Variants in PLCG2 observed in about 807,000 individuals in gnomAD.
PLCG2 encodes phospholipase C gamma 2.
PLCG2 carries 69 observed loss-of-function variants against 175.6 expected under a neutral mutation model. The ratio of observed to expected loss-of-function variants is 0.39; its 90% CI spans 0.32 to 0.48. PLCG2 has a LOEUF of 0.48. Ranked by LOEUF, PLCG2 falls within the 20% of genes least tolerant of loss-of-function variation. PLCG2 has a pLI of 0.91. For synonymous variants in PLCG2, 827 were observed against 624.0 expected (o/e 1.33, Z -4.85); for missense variants, 1,798 against 1,650.9 (o/e 1.09, Z -1.54).
At chr16:81,837,240 T>C (rs1398974759) in intron 2 of PLCG2, among the ~76,000 whole-genome samples, 1 of 152,230 alleles carries the variant, frequency 6.6e-6, no homozygotes, top group Admixed American at 6.5e-5. Context: ...AAGGCTGTTG[T>C]TGAAAGGGAA....
At chr16:81,918,780 A>G (rs1909942422) in intron 19 of PLCG2, among the ~76,000 whole-genome samples, 1 of 152,214 alleles carries the variant, frequency 6.6e-6, no homozygotes, top group Admixed American at 6.5e-5. Flanking sequence ...AGGGTCAAAA[A>G]TATTTTTCCA....
chr16:81,802,426 T>C (rs1911773744), intron 2 of PLCG2, among the ~76,000 whole-genome samples: 2 of 150,212 alleles, frequency 1.3e-5, no homozygotes, highest in South Asian at 4.2e-4. Flanking sequence ...GTGGGTACAG[T>C]CTTATTCATG....
At chr16:81,850,589 A>G (rs1003369675) in intron 2 of PLCG2, among the ~76,000 whole-genome samples, 1 of 152,214 alleles carries the variant, frequency 6.6e-6, no homozygotes, top group Admixed American at 6.5e-5. Flanking sequence ...ATGCCCAGGC[A>G]TAAGAGAAGC....
At chr16:81,788,126 T>C (rs566839072) in intron 2 of PLCG2, among the ~76,000 whole-genome samples, 1 of 152,330 alleles carries the variant, frequency 6.6e-6, no homozygotes, top group South Asian at 2.1e-4. Flanking sequence ...AGTTTCATCA[T>C]TTTAGGAACT....
intron 7 of PLCG2, among the ~76,000 whole-genome samples, chr16:81,875,799 C>G (rs1006759568): frequency 2.6e-5 from 4 of 152,172 alleles, no homozygotes; most frequent in Admixed American, 6.5e-5. Context: ...TAACGTATCT[C>G]TGGTTGTTCC....
chr16:81,777,437 TAA>T (rs750704164), upstream of PLCG2, among the ~76,000 whole-genome samples: 213 of 105,666 alleles, frequency 2.0e-3, 2 homozygotes, highest in East Asian at 0.025. Flanking sequence ...GCTGAAGTTC[TAA>T]AAAAAAAAAA....
chr16:81,877,972 A>ATTTTT (rs1907888702), intron 7 of PLCG2, among the ~76,000 whole-genome samples: 2 of 35,314 alleles, frequency 5.7e-5, no homozygotes, highest in African/African-American at 1.1e-4. Flanking sequence ...TTTTTTTTTT[A>ATTTTT]ATTTTTTTTT....
chr16:81,804,782 G>C (rs144820048), intron 2 of PLCG2, among the ~76,000 whole-genome samples: 59 of 152,276 alleles, frequency 3.9e-4, no homozygotes, highest in Non-Finnish European at 2.9e-4. Flanking sequence ...TTGGCAATCA[G>C]TTACCTCCTA....
In PLCG2 at chr16:81,958,032, G is replaced by C. The variant is rs377755967; in HGVS notation, c.*34G>C. Reference sequence around the variant, plus strand: ...GTATGTGTGTAAGGGTATTGTGTGTGTGCGCATGTGTGTTTGCATGTAGGA... The same window carrying C: ...GTATGTGTGTAAGGGTATTGTGTGTCTGCGCATGTGTGTTTGCATGTAGGA... On this transcript the variant is annotated 3_prime_UTR_variant, in exon 33 of 33. Coordinates refer to ENST00000564138, the MANE Select transcript of PLCG2 (RefSeq NM_002661.5). 1.4e-6 allele frequency: 2 copies of C among 1,467,598 alleles called. No homozygotes were observed. Among genetic ancestry groups the C allele is most frequent in the East Asian group, 2.3e-5 (1 of 44,176 alleles). 90.9% of individuals were successfully genotyped at this position (1,467,598 alleles called of 1,614,324 possible).
At chr16:81,923,615 G>C in intron 22 of PLCG2, 21 bp downstream of exon 22, 2 of 1,455,080 alleles carry the variant, frequency 1.4e-6, no homozygotes, top group Non-Finnish European at 9.6e-7. Flanking sequence ...GTGGAGGCTG[G>C]GCTGCTCGGC....
At chr16:81,854,639 T>G (rs1261888376) in intron 3 of PLCG2, 52 bp downstream of exon 3, 1 of 1,554,590 alleles carries the variant, frequency 6.4e-7, no homozygotes, top group African/African-American at 1.4e-5. Context: ...AGTGTCTTCC[T>G]GAAGAAGTTC....
At chr16:81,802,864 T>TA (rs1911795895) in intron 2 of PLCG2, among the ~76,000 whole-genome samples, 1 of 152,210 alleles carries the variant, frequency 6.6e-6, no homozygotes, top group South Asian at 2.1e-4. Flanking sequence ...TTTATTGAGA[T>TA]AAAAACATTG....
intron 6 of PLCG2, among the ~76,000 whole-genome samples, chr16:81,870,042 G>A (rs757686802): frequency 5.9e-5 from 9 of 152,118 alleles, no homozygotes; most frequent in Non-Finnish European, 8.8e-5. Flanking sequence ...GTATTAATGA[G>A]CTCCTGGAAA....
intron 2 of PLCG2, among the ~76,000 whole-genome samples, chr16:81,840,861 G>C (rs145552842): frequency 0.026 from 4,015 of 152,268 alleles, 72 homozygotes; most frequent in Middle Eastern, 0.058. Flanking sequence ...GGTGGATCCA[G>C]CTAGAACAAG....
At chr16:81,833,970 C>G (rs1042314945) in intron 2 of PLCG2, among the ~76,000 whole-genome samples, 2 of 152,154 alleles carry the variant, frequency 1.3e-5, no homozygotes, top group Non-Finnish European at 2.9e-5. Context: ...CAGAAGCTAG[C>G]AGGTTCACCC....
chr16:81,905,287 A>G, intron 14 of PLCG2, 116 bp from the exon 15 acceptor site: 1 of 694,250 alleles, frequency 1.4e-6, no homozygotes, highest in Non-Finnish European at 2.6e-6. Flanking sequence ...GAAGCCAGGC[A>G]GCAAGAACAG....
chr16:81,924,108 G>A (rs1047395944), intron 22 of PLCG2, among the ~76,000 whole-genome samples: 4 of 152,198 alleles, frequency 2.6e-5, no homozygotes, highest in African/African-American at 9.7e-5. Flanking sequence ...ATCCTGAATT[G>A]AAGACAATAC....
chr16:81,847,912 C>G (rs1332552059), intron 2 of PLCG2, among the ~76,000 whole-genome samples: 6 of 152,112 alleles, frequency 3.9e-5, no homozygotes, highest in Non-Finnish European at 8.8e-5. Context: ...AACCGATCCC[C>G]AACAGTCACT....
chr16:81,817,428 G>T (rs552464280), intron 2 of PLCG2, among the ~76,000 whole-genome samples: 1 of 152,178 alleles, frequency 6.6e-6, no homozygotes, highest in South Asian at 2.1e-4. Flanking sequence ...AAGGAGTTTC[G>T]CTTTTGTTGC....
Sources: allele counts gnomAD v4.1 joint callset (sites outside exome capture counted in the v4.1 genomes callset), GRCh38; gene constraint gnomAD v4.1.1; transcripts MANE v1.5; gene names NCBI Gene and HGNC (gene_info 2026-07-23, HGNC 2026-07-21).